ANKRD62: variants seen among roughly 807,000 people sequenced by gnomAD.
ANKRD62 encodes the protein ankyrin repeat domain-containing protein 62.
A neutral mutation model predicts 98.8 loss-of-function variants in ANKRD62; 61 were observed. The observed-to-expected ratio is 0.62, with a 90% confidence interval of 0.50 to 0.76. ANKRD62 has a LOEUF of 0.76. Among genes scored for constraint, ANKRD62 ranks in the 30% least tolerant of loss-of-function variants. The pLI is 0.00. For synonymous variants in ANKRD62, 341 were observed against 367.9 expected (o/e 0.93, Z 0.84); for missense variants, 933 against 1,082.9 (o/e 0.86, Z 1.94).
Position 12,109,950 on chromosome 18 carries a change from C to CAAAA in ANKRD62, c.1064+2501_1064+2504dup, listed in dbSNP as rs10588166. On this transcript the variant is annotated intron_variant, in intron 8 of 13. Coordinates refer to ENST00000587848, the MANE Select transcript of ANKRD62 (RefSeq NM_001277333.2). ...ATAAAAGAATAGGTTTCACTGTTAC[C>CAAAA]AAAAAAAAAAAAAAAAAAAAACAGA... Among the ~76,000 whole-genome samples, 14 of 124,790 alleles carry CAAAA rather than the reference C, an allele frequency of 1.1e-4. No individual in the cohort carries two copies. In the East Asian group the frequency reaches 1.2e-3, roughly 11 times the overall value. The allele number at this position is 124,790 out of a possible 152,430, so 81.9% of individuals were successfully genotyped here. A position where few individuals can be genotyped will look rare whatever the true frequency, so the allele number is the denominator to read the frequency against.
the ANKRD62 span, among the ~76,000 whole-genome samples, chr18:12,168,679 T>C: frequency 6.6e-6 from 1 of 152,214 alleles, no homozygotes; most frequent in Non-Finnish European, 1.5e-5. Context: ...AAGAAAGTCA[T>C]TGGTAGCTTG....
chr18:12,114,609 A>C lies in ANKRD62; in HGVS notation c.1065-479A>C, dbSNP rs577139725. ...GGGAGGATTTAAATGACTTAAATAC[A>C]TGTACAGTGTTTAGAATAGTGCACA... On this transcript the variant is annotated intron_variant, in intron 8 of 13. Coordinates refer to ENST00000587848, the MANE Select transcript of ANKRD62 (RefSeq NM_001277333.2). Among the ~76,000 whole-genome samples, 8 of 152,304 alleles carry C rather than the reference A, an allele frequency of 5.3e-5. No homozygotes were observed. In the East Asian group the frequency reaches 1.5e-3, roughly 29 times the overall value.
At chr18:12,139,506 C>T in the ANKRD62 span, among the ~76,000 whole-genome samples, 2 of 151,994 alleles carry the variant, frequency 1.3e-5, no homozygotes, top group Admixed American at 6.6e-5. Flanking sequence ...ATGAGCCGGA[C>T]GTGGTGGCAG....
At chr18:12,095,118 A>G (rs1470162756) in intron 1 of ANKRD62, 53 bp from the exon 2 acceptor site, 2 of 1,240,072 alleles carry the variant, frequency 1.6e-6, no homozygotes, top group East Asian at 2.5e-5. Flanking sequence ...GCGTCGTTGT[A>G]TGTTTTGGGA....
chr18:12,177,378 C>T, the ANKRD62 span, among the ~76,000 whole-genome samples: 10 of 152,256 alleles, frequency 6.6e-5, no homozygotes, highest in East Asian at 1.9e-4. Flanking sequence ...CTCTGAGCTC[C>T]GCGGCTTTGG....
At chr18:12,122,220 G>C in intron 10 of ANKRD62, 83 bp from the exon 11 acceptor site, 2 of 979,610 alleles carry the variant, frequency 2.0e-6, no homozygotes, top group South Asian at 1.7e-5. Context: ...GTATGAATGA[G>C]TGCCATGTTG....
chr18:12,102,926 G>A, intron 6 of ANKRD62: 1 of 529,102 alleles, frequency 1.9e-6, no homozygotes, highest in South Asian at 9.2e-5. Context: ...TTGAGATGTT[G>A]GTCTATGGCT....
the ANKRD62 span, among the ~76,000 whole-genome samples, chr18:12,140,090 A>G: frequency 1.3e-5 from 2 of 152,056 alleles, no homozygotes; most frequent in African/African-American, 4.8e-5. Flanking sequence ...GCTTCATATC[A>G]TTCATTTCGT....
intron 8 of ANKRD62, among the ~76,000 whole-genome samples, chr18:12,108,844 C>A (rs903873926): frequency 6.6e-6 from 1 of 152,234 alleles, no homozygotes; most frequent in East Asian, 1.9e-4. Flanking sequence ...TGAAACTCTA[C>A]TTGGCAGTCA....
At chr18:12,095,101 ATTGCATGCGTCG>A (rs1909152087) in intron 1 of ANKRD62, 58 bp from the exon 2 acceptor site, 8 of 1,079,472 alleles carry the variant, frequency 7.4e-6, no homozygotes, top group Non-Finnish European at 1.1e-5. Context: ...GATGTTTACA[ATTGCATGCGTCG>A]TTGTATGTTT....
At position 12,124,200 on chromosome 18, in the gene ANKRD62, A is replaced by G. The variant is rs1397910150; in HGVS notation, c.1518A>G (p.Ile506Met). The change falls in exon 12 of 14, where the codon ATA becomes ATG. Residue 506 changes from isoleucine to methionine, a missense_variant. Coordinates refer to ENST00000587848, the MANE Select transcript of ANKRD62 (RefSeq NM_001277333.2). ...CTGAAGAGTTGTATGAAAAAGATAT[A>G]GAAGAGTTAAAAATAATGGAAGAGC... The part of the protein sequence containing the change: ...IKAEELYEKD[I>M]EELKIMEEQY... 7.0e-7 allele frequency: 1 copy of G among 1,434,894 alleles called. No homozygotes were observed. Among genetic ancestry groups the G allele is most frequent in the East Asian group, 2.5e-5 (1 of 40,152 alleles). The allele number at this position is 1,434,894 out of a possible 1,614,324, so 88.9% of individuals were successfully genotyped here.
chr18:12,099,741 G>T, intron 6 of ANKRD62, 59 bp downstream of exon 6: 1 of 1,015,896 alleles, frequency 9.8e-7, no homozygotes, highest in South Asian at 2.8e-5. Flanking sequence ...AAAAGTAAGA[G>T]GAAGGAAGTT....
At chr18:12,130,943 G>A (rs1047504246), downstream of ANKRD62, among the ~76,000 whole-genome samples, 6 of 152,180 alleles carry the variant, frequency 3.9e-5, no homozygotes, top group African/African-American at 1.2e-4. Context: ...ACTTGCCTCA[G>A]CCTCCCAAAG....
chr18:12,108,058 T>C (rs1486699012), intron 8 of ANKRD62, among the ~76,000 whole-genome samples: 1 of 152,200 alleles, frequency 6.6e-6, no homozygotes, highest in South Asian at 2.1e-4. Flanking sequence ...TAAAAGTCTG[T>C]TAATTAAAGG....
At chr18:12,152,150 C>T in the ANKRD62 span, among the ~76,000 whole-genome samples, 2 of 121,066 alleles carry the variant, frequency 1.7e-5, no homozygotes, top group Non-Finnish European at 3.2e-5. Flanking sequence ...CAAAAAAGAG[C>T]TGATACCATT....
intron 10 of ANKRD62, among the ~76,000 whole-genome samples, chr18:12,116,314 C>T (rs543366769): frequency 1.9e-4 from 29 of 152,242 alleles, no homozygotes; most frequent in South Asian, 8.3e-4. Flanking sequence ...AGGACAGTTG[C>T]GGTTACTGTG....
the ANKRD62 span, among the ~76,000 whole-genome samples, chr18:12,141,104 T>C: frequency 6.6e-6 from 1 of 152,206 alleles, no homozygotes; most frequent in Non-Finnish European, 1.5e-5. Flanking sequence ...GATCTCAGAC[T>C]GCTGTGCTAG....
At chr18:12,139,842 G>A in the ANKRD62 span, among the ~76,000 whole-genome samples, 6 of 152,078 alleles carry the variant, frequency 3.9e-5, no homozygotes, top group South Asian at 2.1e-4. Flanking sequence ...TGCTCTTCTC[G>A]AGGAGTATCT....
At position 12,129,114 on chromosome 18, in the gene ANKRD62, A is replaced by G. The variant is rs1206595471; in HGVS notation, c.*1175A>G. The G allele has an allele frequency of 1.3e-5, 2 of 152,208 alleles. No homozygotes were observed. The highest frequency in any genetic ancestry group is 2.9e-5 in the Non-Finnish European group (2 of 68,036). The allele number at this position is 152,208 out of a possible 1,614,324, so 9.4% of individuals were successfully genotyped here. A position where few individuals can be genotyped will look rare whatever the true frequency, so the allele number is the denominator to read the frequency against. ...TCTTGCTACAGCAAAAATTAAATGC[A>G]AACAGACAAAAAAGAAATGAAATTA... On this transcript the variant is annotated 3_prime_UTR_variant, in exon 14 of 14. Coordinates refer to ENST00000587848, the MANE Select transcript of ANKRD62 (RefSeq NM_001277333.2).
Sources: allele counts gnomAD v4.1 joint callset (sites outside exome capture counted in the v4.1 genomes callset), GRCh38; gene constraint gnomAD v4.1.1; transcripts MANE v1.5; gene names NCBI Gene and HGNC (gene_info 2026-07-23, HGNC 2026-07-21).